ABCC10: variants seen among roughly 807,000 people sequenced by gnomAD.
The protein encoded by ABCC10 is ATP binding cassette subfamily C member 10.
A neutral mutation model predicts 143.2 loss-of-function variants in ABCC10; 110 were observed. That is an observed-to-expected ratio of 0.77 (90% confidence interval 0.66 to 0.90). The LOEUF (loss-of-function observed/expected upper bound fraction) is 0.90. Among genes scored for constraint, ABCC10 ranks in the 40% least tolerant of loss-of-function variants. The probability of loss-of-function intolerance (pLI) is 0.00; values close to 1 mark genes in which losing one functional copy is unlikely to be tolerated. For missense variants in ABCC10, 1,700 were observed against 1,900.5 expected, an observed-to-expected ratio of 0.89 and a Z score of 1.96; for synonymous variants, 805 against 846.7, an observed-to-expected ratio of 0.95 and a Z score of 0.85.
rs1783001946 is a variant in ABCC10, at chr6:43,445,838, G to C, written c.3270G>C (p.Arg1090=). The change falls in exon 15 of 22, where the codon CGG becomes CGC. Residue 1090 remains arginine (R), a synonymous_variant. Coordinates refer to ENST00000372530, the MANE Select transcript of ABCC10 (RefSeq NM_001198934.2). ...HVQRHYRASS[R]ELRRLGSLTL... ...AGCGCCACTACAGGGCCTCCTCACG[G>C]GAGCTGCGGCGCCTGGGCAGCCTCA... 3 of 1,614,116 alleles carry C rather than the reference G, an allele frequency of 1.9e-6. No homozygotes were observed. The highest frequency in any genetic ancestry group is 2.5e-6 in the Non-Finnish European group (3 of 1,180,040).
Position 43,447,745 on chromosome 6 carries a change from G to C in ABCC10, c.3767G>C (p.Arg1256Pro). ...VEFQDVVLAYRPGLPNALDGV... is the reference protein window; with the variant it reads ...VEFQDVVLAYPPGLPNALDGV... Reference sequence around the variant, plus strand: ...TTCCAGGACGTGGTGTTGGCGTACCGGCCAGGGCTGCCGAATGCCCTGGAT... The same window carrying C: ...TTCCAGGACGTGGTGTTGGCGTACCCGCCAGGGCTGCCGAATGCCCTGGAT... Residue 1256 changes from arginine (R) to proline (P), a missense_variant, in exon 18 of 22, where the codon CGG becomes CCG. Arg to Pro is a moderately radical substitution (Grantham distance 103). Transcript: ENST00000372530. 6.2e-7 allele frequency: 1 copy of C among 1,614,006 alleles called. No homozygotes were observed. Among genetic ancestry groups the C allele is most frequent in the Non-Finnish European group, 8.5e-7 (1 of 1,180,030 alleles).
Position 43,432,192 on chromosome 6 carries a change from C to T in ABCC10, c.212C>T (p.Ala71Val). 1 of 1,614,264 alleles carries T rather than the reference C, an allele frequency of 6.2e-7. No individual in the cohort carries two copies. The highest frequency in any genetic ancestry group is 8.5e-7 in the Non-Finnish European group (1 of 1,180,046). The change falls in exon 3 of 22, where the codon GCA (alanine) becomes GTA (valine). Residue 71 changes from alanine (A) to valine (V), a missense_variant. Coordinates refer to ENST00000372530, the MANE Select transcript of ABCC10 (RefSeq NM_001198934.2). ...AGTCCTGGATGGCGCCTCCGACTTGCAGCTTCCTTCCTGCTTTCCGTCTTC... is the reference window on the plus strand; with the variant it reads ...AGTCCTGGATGGCGCCTCCGACTTGTAGCTTCCTTCCTGCTTTCCGTCTTC... ...PCSPGWRLRL[A>V]ASFLLSVFPL... is the part of the protein sequence containing the mutation.
chr6:43,430,885 T>G (rs1171708532), intron 2 of ABCC10: 1 of 151,902 alleles, frequency 6.6e-6, no homozygotes, highest in African/African-American at 2.4e-5. Flanking sequence ...CACCATTCCC[T>G]GCTAATTTTT....
chr6:43,446,496 G>C (rs1214747), intron 16 of ABCC10, 50 bp downstream of exon 16: 1,247,511 of 1,572,152 alleles, frequency 0.79, 498,000 homozygotes, highest in Non-Finnish European at 0.82. Flanking sequence ...TTAGTCCACC[G>C]CTCTCCCAGA....
chr6:43,446,397 T>C lies in ABCC10; in HGVS notation c.3495T>C (p.Ala1165=). The C allele has an allele frequency of 1.2e-6, 2 of 1,612,976 alleles. No individual in the cohort carries two copies. The highest frequency in any genetic ancestry group is 1.7e-6 in the Non-Finnish European group (2 of 1,179,886). ...LQLMGAAVVS[A]IAGIALVQHQ... is the part of the protein sequence containing the mutation. ...TCATGGGGGCGGCAGTGGTCAGCGC[T>C]ATCGCAGGCATCGCTCTGGTGCAGC... Residue 1165 remains alanine (A), a synonymous_variant, in exon 16 of 22, where the codon GCT becomes GCC. Coordinates refer to ENST00000372530, the MANE Select transcript of ABCC10 (RefSeq NM_001198934.2).
rs1336089750 is a variant in ABCC10, at chr6:43,438,686, C to T, written c.2018C>T (p.Pro673Leu). Residue 673 changes from proline to leucine, a missense_variant, in exon 8 of 22, where the codon CCC (proline) becomes CTC (leucine). By Grantham distance (98) the Pro-to-Leu change is moderately conservative. Transcript: ENST00000372530. The part of the protein sequence containing the change: ...SKGFGLATQE[P>L]WIQFATIRDN... ...GGCTTTGGCCTGGCCACCCAGGAAC[C>T]CTGGATCCAGTTTGCCACCATCCGA... 6.2e-7 allele frequency: 1 copy of T among 1,614,210 alleles called. No homozygotes were observed. The highest frequency in any genetic ancestry group is 1.7e-5 in the Admixed American group (1 of 60,030).
chr6:43,450,465 G>T (rs1783641037), downstream of ABCC10: 77 of 1,481,048 alleles, frequency 5.2e-5, no homozygotes, highest in Non-Finnish European at 6.8e-5. This position sits in a 1 kb window ranked among gnomAD's most constrained non-coding sequence, Gnocchi z 4.5. Flanking sequence ...CAAGCTGAAG[G>T]GTGGTGAGAA....
At chr6:43,440,963 T>C (rs560036448) in intron 8 of ABCC10, among the ~76,000 whole-genome samples, 6 of 146,386 alleles carry the variant, frequency 4.1e-5, no homozygotes, top group African/African-American at 1.5e-4. Context: ...ATTAGCTGGG[T>C]GTCATGGCTC....
intron 8 of ABCC10, among the ~76,000 whole-genome samples, chr6:43,440,267 A>G (rs2185631): frequency 0.42 from 63,356 of 151,862 alleles, 14,841 homozygotes; most frequent in East Asian, 0.54. Flanking sequence ...CAGCTTTCGT[A>G]GGTTTTTAGA....
Position 43,445,772 on chromosome 6 carries a change from G to A in ABCC10, c.3204G>A (p.Leu1068=), listed in dbSNP as rs1255628438. The A allele has an allele frequency of 1.9e-6, 3 of 1,614,142 alleles. No homozygotes were observed. The East Asian group carries it at 6.7e-5, about 36-fold the overall frequency. Residue 1068 remains leucine, a synonymous_variant, in exon 15 of 22, where the codon CTG becomes CTA. Transcript: ENST00000372530. ...TGGGCTCTGGCCTGCCCTGGCTGCT[G>A]CTCCTGCTGCCGCCTTTGAGCATCA... ...AVLGSGLPWL[L]LLLPPLSIMY... is the part of the protein sequence containing the mutation.
chr6:43,444,310 G>A lies in ABCC10; in HGVS notation c.2646G>A (p.Gln882=), dbSNP rs146101532. ...VYQAYWKAVG[Q]GLALAILFSL... is the part of the protein sequence containing the mutation. ...AAGCTTACTGGAAGGCCGTGGGCCA[G>A]GGCTTGGCCTTAGCCATCCTCTTCT... Residue 882 remains glutamine, a synonymous_variant, in exon 12 of 22, where the codon CAG becomes CAA. Coordinates refer to ENST00000372530, the MANE Select transcript of ABCC10 (RefSeq NM_001198934.2). 453 of 1,613,034 alleles carry A rather than the reference G, an allele frequency of 2.8e-4. No homozygotes were observed. The highest frequency in any genetic ancestry group is 3.5e-4 in the Non-Finnish European group (417 of 1,179,628).
At chr6:43,445,351 T>G in intron 14 of ABCC10, 37 bp downstream of exon 14, 1 of 1,585,692 alleles carries the variant, frequency 6.3e-7, no homozygotes, top group Non-Finnish European at 8.6e-7. Flanking sequence ...GGGAGTGCAG[T>G]CCTAGCCCCT....
chr6:43,431,831 A>G, intron 2 of ABCC10: 2 of 1,242,210 alleles, frequency 1.6e-6, no homozygotes, highest in Admixed American at 3.9e-5. Context: ...GTTAAGTACA[A>G]TCTTACCTCA....
chr6:43,435,482 G>A (rs557839802), intron 4 of ABCC10, among the ~76,000 whole-genome samples: 5 of 152,100 alleles, frequency 3.3e-5, no homozygotes, highest in South Asian at 4.1e-4. Flanking sequence ...GCAGTGAGCC[G>A]AGATTATGCC....
Position 43,447,366 on chromosome 6 carries a change from C to A in ABCC10, c.3663C>A (p.Tyr1221Ter). The A allele has an allele frequency of 6.2e-7, 1 of 1,613,182 alleles. No individual in the cohort carries two copies. The highest frequency in any genetic ancestry group is 8.5e-7 in the Non-Finnish European group (1 of 1,179,986). The change falls in exon 17 of 22, where the codon TAC becomes TAA. Residue 1221 changes from tyrosine (Y) to a stop codon, truncating the protein, a stop_gained. Transcript: ENST00000372530. LOFTEE classifies it high-confidence loss of function. Reference protein sequence around the residue: ...MLVSVERLEEYTCDLPQEPQG... With the variant: ...MLVSVERLEE ...TGAGCGTCGAGCGGCTGGAAGAGTA[C>A]ACCTGTGACCTGCCCCAGGAACCCC...
At chr6:43,441,420 G>A (rs1258269309) in intron 8 of ABCC10, among the ~76,000 whole-genome samples, 1 of 152,012 alleles carries the variant, frequency 6.6e-6, no homozygotes, top group African/African-American at 2.4e-5. Context: ...AGGTTTCAGT[G>A]AGCTGAGATT....
In ABCC10 at chr6:43,447,350, AG is replaced by A. The variant is rs1186151317; in HGVS notation, c.3648del (p.Glu1216AspfsTer26). The A allele has an allele frequency of 3.7e-6, 6 of 1,613,156 alleles. No individual in the cohort carries two copies. In the Admixed American group the frequency reaches 8.3e-5, roughly 22 times the overall value. On this transcript the variant is annotated frameshift_variant, in exon 17 of 22. Coordinates refer to ENST00000372530, the MANE Select transcript of ABCC10 (RefSeq NM_001198934.2). LOFTEE classifies it high-confidence loss of function. ...TQTEAMLVSV[E>X]RLEEYTCDLP... ...ACAGAGGCCATGCTGGTGAGCGTCG[AG>A]CGGCTGGAAGAGTACACCTGTGACC...
intron 7 of ABCC10, 39 bp from the exon 8 acceptor site, chr6:43,438,585 G>A (rs1208555569): frequency 1.9e-6 from 3 of 1,606,556 alleles, no homozygotes; most frequent in Non-Finnish European, 2.5e-6. Context: ...GGACCCAGAG[G>A]AGAGCTGGTC....
chr6:43,445,374 C>T, intron 14 of ABCC10, 60 bp downstream of exon 14: 1 of 1,542,248 alleles, frequency 6.5e-7, no homozygotes, highest in South Asian at 1.2e-5. Flanking sequence ...GGAGTGTCCT[C>T]CCAATACTCG....
Sources: gnomAD v4.1 joint callset for allele counts (sites outside exome capture counted in the v4.1 genomes callset) on GRCh38, gnomAD v4.1.1 for gene constraint, Gnocchi (gnomAD v3.1) non-coding constraint, MANE v1.5 for transcripts, NCBI Gene and HGNC (gene_info 2026-07-23, HGNC 2026-07-21) for gene names.